ITCH: variants seen among roughly 807,000 people sequenced by gnomAD.
ITCH encodes the protein E3 ubiquitin-protein ligase Itchy homolog.
A neutral mutation model predicts 126.8 loss-of-function variants in ITCH; 28 were observed. The ratio of observed to expected loss-of-function variants is 0.22; its 90% CI spans 0.16 to 0.30. The LOEUF (loss-of-function observed/expected upper bound fraction) is 0.30. ITCH is among the 10% of genes least tolerant of loss of function. The pLI is 1.00. For missense variants in ITCH, 631 were observed against 1,032.4 expected, an observed-to-expected ratio of 0.61 and a Z score of 5.33; for synonymous variants, 342 against 340.0, an observed-to-expected ratio of 1.01 and a Z score of -0.06.
At chr20:34,497,151 C>G (rs984428758) in intron 23 of ITCH, among the ~76,000 whole-genome samples, 1 of 151,994 alleles carries the variant, frequency 6.6e-6, no homozygotes, top group African/African-American at 2.4e-5. Flanking sequence ...CACGCACCAC[C>G]ACACCTGGCT....
chr20:34,407,340 C>T (rs1052719833), intron 3 of ITCH, among the ~76,000 whole-genome samples: 3 of 152,132 alleles, frequency 2.0e-5, no homozygotes, highest in African/African-American at 4.8e-5. Flanking sequence ...AATCTCGGCT[C>T]ACTGCAACCT....
chr20:34,498,278 G>A (rs1011331740), intron 23 of ITCH, among the ~76,000 whole-genome samples: 9 of 152,084 alleles, frequency 5.9e-5, no homozygotes, highest in South Asian at 2.1e-4. Context: ...TGTTGTCTGC[G>A]AACAGGTATA....
chr20:34,393,942 C>G, intron 3 of ITCH, 61 bp downstream of exon 3: 3 of 1,464,066 alleles, frequency 2.0e-6, no homozygotes, highest in Non-Finnish European at 2.9e-6. Context: ...AAAAAATAAT[C>G]CTGAGAGGGC....
intron 3 of ITCH, among the ~76,000 whole-genome samples, chr20:34,400,140 T>C (rs1451193339): frequency 6.6e-6 from 1 of 152,122 alleles, no homozygotes; most frequent in Non-Finnish European, 1.5e-5. Context: ...AATTTTATCA[T>C]GTTGGCCAAG....
chr20:34,445,618 C>T (rs905811231), intron 11 of ITCH, among the ~76,000 whole-genome samples, 157 bp downstream of exon 11: 1 of 152,158 alleles, frequency 6.6e-6, no homozygotes, highest in Non-Finnish European at 1.5e-5. Context: ...CTGGGGTATT[C>T]TGTGTGTGAT....
chr20:34,371,809 G>C (rs1455213155), intron 2 of ITCH, among the ~76,000 whole-genome samples: 1 of 152,054 alleles, frequency 6.6e-6, no homozygotes, highest in Non-Finnish European at 1.5e-5. Flanking sequence ...TGGTATTACT[G>C]GTCACTTAAA....
intron 2 of ITCH, among the ~76,000 whole-genome samples, chr20:34,378,023 C>CTT (rs78903106): frequency 6.9e-6 from 1 of 144,360 alleles, no homozygotes; most frequent in Admixed American, 6.9e-5. Context: ...TCTCATGAAA[C>CTT]TTTTTTTTTT....
At chr20:34,442,401 C>G in intron 10 of ITCH, 98 bp downstream of exon 10, 1 of 884,252 alleles carries the variant, frequency 1.1e-6, no homozygotes. Context: ...TTTTTCTTGT[C>G]AGCCCTTTCT....
intron 20 of ITCH, among the ~76,000 whole-genome samples, chr20:34,482,883 T>C (rs1988857136): frequency 6.6e-6 from 1 of 152,176 alleles, no homozygotes; most frequent in Non-Finnish European, 1.5e-5. Context: ...CCTGGGCATC[T>C]AGGCATTTCC....
At chr20:34,461,747 A>G (rs1409003335) in intron 13 of ITCH, among the ~76,000 whole-genome samples, 3 of 151,680 alleles carry the variant, frequency 2.0e-5, no homozygotes, top group Non-Finnish European at 4.4e-5. Flanking sequence ...GGAGAGAAAC[A>G]AAGCCAGAGA....
chr20:34,473,250 G>T (rs989611624), intron 16 of ITCH, among the ~76,000 whole-genome samples: 1 of 152,192 alleles, frequency 6.6e-6, no homozygotes, highest in Non-Finnish European at 1.5e-5. Context: ...TGGTTATGGG[G>T]GAAAGTACAG....
In ITCH at chr20:34,393,887, T is replaced by G; in HGVS notation, c.70+6T>G. On this transcript the variant is annotated splice_donor_region_variant and intron_variant, in intron 3 of 24. Transcript: ENST00000374864. The stretch of plus-strand genomic sequence containing the variant: ...ATCACAGCTTCAGATCACTGGTAAG[T>G]TTTAGAAACATCGGCTGCTTTACTT... 6.2e-7 allele frequency: 1 copy of G among 1,611,500 alleles called. No homozygotes were observed. The highest frequency in any genetic ancestry group is 1.3e-5 in the African/African-American group (1 of 74,962).
chr20:34,489,516 A>G, intron 21 of ITCH, 130 bp downstream of exon 21: 1 of 876,366 alleles, frequency 1.1e-6, no homozygotes, highest in Non-Finnish European at 1.9e-6. Flanking sequence ...GTTTTGAAAC[A>G]TCCCCAATGG....
At chr20:34,406,620 C>G (rs960489766) in intron 3 of ITCH, among the ~76,000 whole-genome samples, 1 of 151,540 alleles carries the variant, frequency 6.6e-6, no homozygotes, top group African/African-American at 2.4e-5. Flanking sequence ...CTGCAATCTC[C>G]GCCTCCCAGG....
At chr20:34,489,152 C>G in intron 20 of ITCH, 114 bp from the exon 21 acceptor site, 2 of 855,694 alleles carry the variant, frequency 2.3e-6, no homozygotes, top group Non-Finnish European at 3.6e-6. Context: ...TCATTATGTT[C>G]TATTTTTGAA....
intron 6 of ITCH, among the ~76,000 whole-genome samples, 181 bp from the exon 7 acceptor site, chr20:34,424,297 CTT>C (rs774891635): frequency 1.3e-5 from 2 of 152,044 alleles, no homozygotes; most frequent in Non-Finnish European, 2.9e-5. Context: ...TTTTGGCAGA[CTT>C]TTTTTGCAGT....
At chr20:34,380,110 A>G (rs1183107620) in intron 2 of ITCH, among the ~76,000 whole-genome samples, 1 of 151,480 alleles carries the variant, frequency 6.6e-6, no homozygotes, top group African/African-American at 2.4e-5. Flanking sequence ...GTTGACCAGG[A>G]TCGTCTCAAT....
chr20:34,374,128 A>G (rs1277895060), intron 2 of ITCH, among the ~76,000 whole-genome samples: 2 of 152,072 alleles, frequency 1.3e-5, no homozygotes, highest in African/African-American at 4.8e-5. Context: ...TTTTTAAGAC[A>G]AGATAAGCTC....
chr20:34,507,290 G>GTTTTTTTTTTTTTTTTTTTTTTTTTTGTT (rs372382674), intron 24 of ITCH, among the ~76,000 whole-genome samples: 2 of 70,006 alleles, frequency 2.9e-5, no homozygotes, highest in Non-Finnish European at 5.3e-5. Context: ...TTTTTTTTTT[G>GTTTTTTTTTTTTTTTTTTTTTTTTTTGTT]GTTGTTGTTG....
Sources: allele counts gnomAD v4.1 joint callset (sites outside exome capture counted in the v4.1 genomes callset), GRCh38; gene constraint gnomAD v4.1.1; transcripts MANE v1.5; gene names NCBI Gene and HGNC (gene_info 2026-07-23, HGNC 2026-07-21).